PPP1R36: variants seen among roughly 807,000 people sequenced by gnomAD.
The protein encoded by PPP1R36 is protein phosphatase 1 regulatory subunit 36.
Under a neutral mutation model 53.4 loss-of-function variants are expected in PPP1R36, and 47 were observed. The observed-to-expected ratio is 0.88, with a 90% CI of 0.70 to 1.12. The LOEUF (loss-of-function observed/expected upper bound fraction) is 1.12. Among genes scored for constraint, PPP1R36 ranks in the 50% most tolerant of loss-of-function variants. The pLI is 0.00. For synonymous variants in PPP1R36, 153 were observed against 170.5 expected (o/e 0.90, Z 0.80); for missense variants, 456 against 513.9 (o/e 0.89, Z 1.09).
At chr14:64,551,840 C>G (rs187903340) in intron 2 of PPP1R36, among the ~76,000 whole-genome samples, 11 of 151,476 alleles carry the variant, frequency 7.3e-5, no homozygotes, top group Non-Finnish European at 2.9e-5. Flanking sequence ...TACAGAACTT[C>G]TTCAGTAGGT....
intron 3 of PPP1R36, among the ~76,000 whole-genome samples, chr14:64,556,108 C>T (rs894620040): frequency 2.0e-5 from 3 of 148,542 alleles, no homozygotes; most frequent in Non-Finnish European, 4.4e-5. Flanking sequence ...ATTCCAAAAT[C>T]TGAAGTCTTT....
intron 8 of PPP1R36, among the ~76,000 whole-genome samples, chr14:64,577,627 C>T (rs1478511675): frequency 1.3e-5 from 2 of 151,724 alleles, no homozygotes; most frequent in Non-Finnish European, 2.9e-5. Context: ...TTGTCTTTCT[C>T]CAATAAATCT....
At chr14:64,584,179 G>A (rs2080413612) in intron 8 of PPP1R36, among the ~76,000 whole-genome samples, 1 of 152,134 alleles carries the variant, frequency 6.6e-6, no homozygotes, top group Non-Finnish European at 1.5e-5. Flanking sequence ...TGGGATTACA[G>A]GCGTGAGCCA....
intron 3 of PPP1R36, among the ~76,000 whole-genome samples, chr14:64,564,530 G>C (rs2080233385): frequency 6.6e-6 from 1 of 152,166 alleles, no homozygotes; most frequent in African/African-American, 2.4e-5. Flanking sequence ...GTGTGTGGTG[G>C]TATTCTGGAG....
intron 8 of PPP1R36, among the ~76,000 whole-genome samples, chr14:64,580,671 C>T (rs139567448): frequency 6.6e-6 from 1 of 152,290 alleles, no homozygotes; most frequent in East Asian, 1.9e-4. Flanking sequence ...ACCCACGTAA[C>T]AAATTCCATA....
At chr14:64,587,584 C>T (rs2080446323) in intron 10 of PPP1R36, among the ~76,000 whole-genome samples, 1 of 151,008 alleles carries the variant, frequency 6.6e-6, no homozygotes, top group Non-Finnish European at 1.5e-5. Context: ...TCTCAGCCTC[C>T]CGAGTAGCTA....
intron 2 of PPP1R36, 145 bp from the exon 3 acceptor site, chr14:64,552,667 CAT>C (rs1211352535): frequency 2.6e-5 from 16 of 613,604 alleles, no homozygotes; most frequent in African/African-American, 1.7e-4. Context: ...AATATAATGA[CAT>C]GTTTCATGAT....
chr14:64,561,950 C>T (rs2080208739), intron 3 of PPP1R36: 2 of 394,836 alleles, frequency 5.1e-6, no homozygotes, highest in Non-Finnish European at 1.0e-5. Context: ...TGTGTGGAAG[C>T]CAAGAGTGGT....
At chr14:64,559,867 G>T (rs1046653135) in intron 3 of PPP1R36, among the ~76,000 whole-genome samples, 7 of 151,806 alleles carry the variant, frequency 4.6e-5, no homozygotes, top group African/African-American at 1.7e-4. Flanking sequence ...ACTTTGGGAG[G>T]CCAAGGCGAG....
intron 3 of PPP1R36, among the ~76,000 whole-genome samples, chr14:64,559,724 G>C (rs904427942): frequency 5.3e-5 from 8 of 152,204 alleles, no homozygotes; most frequent in African/African-American, 1.9e-4. Flanking sequence ...GATTATAAAA[G>C]ATCTTGCATA....
At chr14:64,566,760 G>A (rs867180219) in intron 6 of PPP1R36, among the ~76,000 whole-genome samples, 12 of 152,134 alleles carry the variant, frequency 7.9e-5, no homozygotes, top group Admixed American at 5.2e-4. Context: ...CCTGAGACTC[G>A]GCCTGAAGGG....
Position 64,563,958 on chromosome 14 carries a change from G to A in PPP1R36, c.183-793G>A, listed in dbSNP as rs937196124. ...TCTGTTAGCATTTGCTGAGACTCTC[G>A]AGAGTCTGTTCAATGGCTCTGATCA... On this transcript the variant is annotated intron_variant, in intron 3 of 11. Transcript: ENST00000298705. Among the ~76,000 whole-genome samples, 7 of 152,296 alleles carry A rather than the reference G, an allele frequency of 4.6e-5. No individual in the cohort carries two copies. The East Asian group carries it at 9.6e-4, about 21-fold the overall frequency.
intron 1 of PPP1R36, 157 bp downstream of exon 1, chr14:64,550,223 GA>G (rs1555350770): frequency 3.9e-3 from 4,606 of 1,176,060 alleles, no homozygotes; most frequent in East Asian, 9.7e-3. Flanking sequence ...TATTTGCCTA[GA>G]AAAAAAAAAA....
In PPP1R36 at chr14:64,550,192, G is replaced by A. The variant is rs985636927; in HGVS notation, c.69+126G>A. 1.3e-5 allele frequency: 18 copies of A among 1,439,678 alleles called. No homozygotes were observed. In the African/African-American group the frequency reaches 2.7e-4, roughly 21 times the overall value. 89.2% of individuals were successfully genotyped at this position (1,439,678 alleles called of 1,614,324 possible). A position where few individuals can be genotyped will look rare whatever the true frequency, so the allele number is the denominator to read the frequency against. ...TCGTCGCCTTCGCCCCGGGCTGGCG[G>A]TTCTCAAAGACACCTGGCCATATTT... is the stretch of plus-strand genomic sequence containing the variant. On this transcript the variant is annotated intron_variant, in intron 1 of 11. Coordinates refer to ENST00000298705, the MANE Select transcript of PPP1R36 (RefSeq NM_172365.3).
At chr14:64,550,257 G>A in intron 1 of PPP1R36, 191 bp downstream of exon 1, 1 of 1,385,750 alleles carries the variant, frequency 7.2e-7, no homozygotes, top group Non-Finnish European at 9.3e-7. Context: ...TTGACAGATG[G>A]TCAGAATTGA....
chr14:64,565,262 T>C (rs1490227219), intron 4 of PPP1R36, 95 bp from the exon 5 acceptor site: 2 of 771,906 alleles, frequency 2.6e-6, no homozygotes, highest in African/African-American at 3.6e-5. Flanking sequence ...CAGGCTCTTA[T>C]TACTTTTTAA....
intron 11 of PPP1R36, 71 bp downstream of exon 11, chr14:64,588,366 GC>G: frequency 7.3e-7 from 1 of 1,375,900 alleles, no homozygotes. Flanking sequence ...AGGGGCAGGG[GC>G]CCAGGCACCA....
At chr14:64,588,387 C>T in intron 11 of PPP1R36, 92 bp downstream of exon 11, 1 of 1,155,858 alleles carries the variant, frequency 8.7e-7, no homozygotes, top group East Asian at 2.5e-5. Context: ...ATGCCTCTGC[C>T]AGGGAATCGA....
Position 64,550,068 on chromosome 14 carries a change from T to TAA in PPP1R36, c.69+3_69+4dup. ...GGGCAGACCCCTTACTTGATGGATG[T>TAA]AAGTGCAGCCTTGGTCGCCCCCATA... On this transcript the variant is annotated splice_region_variant and intron_variant, in intron 1 of 11. Coordinates refer to ENST00000298705, the MANE Select transcript of PPP1R36 (RefSeq NM_172365.3). 2 of 1,559,678 alleles carry TAA rather than the reference T, an allele frequency of 1.3e-6. No individual in the cohort carries two copies. The highest frequency in any genetic ancestry group is 1.7e-6 in the Non-Finnish European group (2 of 1,151,558).
Sources: gnomAD v4.1 joint callset for allele counts (sites outside exome capture counted in the v4.1 genomes callset) on GRCh38, gnomAD v4.1.1 for gene constraint, MANE v1.5 for transcripts, NCBI Gene and HGNC (gene_info 2026-07-23, HGNC 2026-07-21) for gene names.